The following PRKCB variants were observed in gnomAD, a reference collection of about 807,000 sequenced individuals.
PRKCB encodes protein kinase C beta.
A neutral mutation model predicts 81.5 loss-of-function variants in PRKCB; 13 were observed. The ratio of observed to expected loss-of-function variants is 0.16; its 90% CI spans 0.10 to 0.25. The LOEUF (loss-of-function observed/expected upper bound fraction) is 0.25, where lower values mean the gene tolerates loss of function less well. Among genes scored for constraint, PRKCB ranks in the 10% least tolerant of loss-of-function variants. The probability of loss-of-function intolerance (pLI) is 1.00; values close to 1 mark genes in which losing one functional copy is unlikely to be tolerated. For missense variants in PRKCB, 509 were observed against 875.7 expected, an observed-to-expected ratio of 0.58 and a Z score of 5.29; for synonymous variants, 335 against 321.4, an observed-to-expected ratio of 1.04 and a Z score of -0.45.
chr16:24,035,431 A>C lies in PRKCB; in HGVS notation c.413A>C (p.Asn138Thr), dbSNP rs772430325. The C allele has an allele frequency of 3.1e-6, 5 of 1,613,794 alleles. No individual in the cohort carries two copies. The Admixed American group carries it at 8.3e-5, about 27-fold the overall frequency. The change falls in exon 5 of 17, where the codon AAT becomes ACT. Residue 138 changes from asparagine (N) to threonine (T), a missense_variant. Around this residue, in one of 6 missense-constraint regions of PRKCB, gnomAD observed 184 missense variants for 362.9 expected, o/e 0.51. Transcript: ENST00000643927. ...TCTGCCCTCACAGCCTGCATGATGA[A>C]TGTGCACAAGCGCTGCGTGATGAAT... ...QGMKCDTCMM[N>T]VHKRCVMNVP...
intron 10 of PRKCB, among the ~76,000 whole-genome samples, chr16:24,158,880 C>T (rs1467820034): frequency 6.6e-6 from 1 of 152,054 alleles, no homozygotes; most frequent in Non-Finnish European, 1.5e-5. Context: ...AGGCTGGTCT[C>T]AATCTTCTAG....
chr16:24,134,195 G>T (rs957496784), intron 9 of PRKCB, among the ~76,000 whole-genome samples: 2 of 152,116 alleles, frequency 1.3e-5, no homozygotes, highest in Admixed American at 1.3e-4. Context: ...ACCATGCCCA[G>T]TCCAAACCAC....
At chr16:24,202,022 C>T (rs1967964992) in intron 16 of PRKCB, among the ~76,000 whole-genome samples, 2 of 144,220 alleles carry the variant, frequency 1.4e-5, no homozygotes, top group African/African-American at 2.6e-5. Flanking sequence ...GGCAAAAGAG[C>T]GAGACTCCGT....
At position 24,035,513 on chromosome 16, in the gene PRKCB, G is replaced by A. The variant is rs556028547; in HGVS notation, c.495G>A (p.Gln165=). The A allele has an allele frequency of 2.6e-5, 42 of 1,614,138 alleles. No homozygotes were observed. Among genetic ancestry groups the A allele is most frequent in the Non-Finnish European group, 3.5e-5 (41 of 1,180,014 alleles). ...AGCGCCGCGGCCGCATCTACATCCA[G>A]GCCCACATCGACAGGGACGTCCTCA... ...HTERRGRIYI[Q]AHIDRDVLIV... is the part of the protein sequence containing the mutation. The change falls in exon 5 of 17, where the codon CAG becomes CAA. Residue 165 remains glutamine, a synonymous_variant. Transcript: ENST00000643927.
chr16:23,854,211 A>C (rs2106375), intron 2 of PRKCB, among the ~76,000 whole-genome samples: 29,792 of 151,808 alleles, frequency 0.2, 3,092 homozygotes, highest in East Asian at 0.34. Context: ...CATCCCAAGC[A>C]GATCTCTTTG....
At chr16:24,205,446 A>G (rs1968031992) in intron 16 of PRKCB, among the ~76,000 whole-genome samples, 1 of 152,066 alleles carries the variant, frequency 6.6e-6, no homozygotes, top group Non-Finnish European at 1.5e-5. Context: ...TGGCACCACC[A>G]TGCCTGGCAT....
intron 3 of PRKCB, among the ~76,000 whole-genome samples, chr16:24,010,870 A>AT (rs1049480359): frequency 1.7e-4 from 26 of 149,390 alleles, no homozygotes; most frequent in African/African-American, 4.4e-4. Flanking sequence ...TTGCCACTCG[A>AT]TTTTTTTTTT....
intron 3 of PRKCB, among the ~76,000 whole-genome samples, chr16:24,016,519 A>G (rs1260872107): frequency 1.3e-5 from 2 of 152,174 alleles, no homozygotes; most frequent in African/African-American, 4.8e-5. Flanking sequence ...CCCTTTGCCA[A>G]GAATGTCTGG....
At chr16:23,983,776 C>T (rs1444366594) in intron 2 of PRKCB, among the ~76,000 whole-genome samples, 1 of 151,658 alleles carries the variant, frequency 6.6e-6, no homozygotes, top group Non-Finnish European at 1.5e-5. Flanking sequence ...AGTGCAGTGG[C>T]GTGATCTCGG....
chr16:24,066,637 C>A (rs1272161140), intron 5 of PRKCB, among the ~76,000 whole-genome samples: 1 of 148,926 alleles, frequency 6.7e-6, no homozygotes, highest in South Asian at 2.1e-4. Flanking sequence ...TTTTTTTTTT[C>A]ACGATATTCT....
intron 9 of PRKCB, among the ~76,000 whole-genome samples, chr16:24,144,521 G>A (rs1055902183): frequency 5.3e-5 from 8 of 152,146 alleles, no homozygotes; most frequent in Non-Finnish European, 1.2e-4. Flanking sequence ...GGCTGGTCTC[G>A]AAATCCTGAC....
intron 10 of PRKCB, among the ~76,000 whole-genome samples, chr16:24,158,527 CATGTATATGTATAAGTATATGTAT>C (rs58003383): frequency 0.014 from 1,992 of 141,782 alleles, 48 homozygotes; most frequent in African/African-American, 0.049. Context: ...TTTAAAAAAA[CATGTATATGTATAAGTATATGTAT>C]ATGTATATGT....
intron 2 of PRKCB, among the ~76,000 whole-genome samples, chr16:23,978,118 G>T (rs1027047539): frequency 1.7e-4 from 26 of 152,266 alleles, no homozygotes; most frequent in African/African-American, 6.3e-4. Flanking sequence ...CGAATGACCA[G>T]CTAAGAGAGC....
chr16:24,009,310 GACAT>G (rs1349747221), intron 3 of PRKCB, among the ~76,000 whole-genome samples: 3 of 152,010 alleles, frequency 2.0e-5, no homozygotes, highest in African/African-American at 2.4e-5. Flanking sequence ...GTCCGAGGAA[GACAT>G]ACAAATGACC....
chr16:23,961,655 T>A (rs1878865964), intron 2 of PRKCB, among the ~76,000 whole-genome samples: 1 of 152,220 alleles, frequency 6.6e-6, no homozygotes, highest in Non-Finnish European at 1.5e-5. Flanking sequence ...AGGTTGAGCA[T>A]CTCTTATCCA....
At chr16:24,193,493 AAATAAATG>A in intron 16 of PRKCB, among the ~76,000 whole-genome samples, 1 of 130,304 alleles carries the variant, frequency 7.7e-6, no homozygotes, top group African/African-American at 2.8e-5. Flanking sequence ...ATAAATAAAT[AAATAAATG>A]TGGTCTTGCC....
chr16:24,087,875 C>T (rs73546482), intron 5 of PRKCB, among the ~76,000 whole-genome samples: 7,731 of 152,208 alleles, frequency 0.051, 670 homozygotes, highest in African/African-American at 0.17. Context: ...ACAGGCAGAC[C>T]TCACCCTGCA....
chr16:23,872,965 G>A (rs1471954683), intron 2 of PRKCB, among the ~76,000 whole-genome samples: 2 of 151,572 alleles, frequency 1.3e-5, no homozygotes. Context: ...ATCATCTGAG[G>A]TTAGGAGTTC....
intron 16 of PRKCB, among the ~76,000 whole-genome samples, chr16:24,197,005 G>A (rs1003262652): frequency 6.6e-6 from 1 of 152,178 alleles, no homozygotes; most frequent in Non-Finnish European, 1.5e-5. Context: ...ATGGAGCAGT[G>A]GCTTGGGAAG....
Sources: allele counts gnomAD v4.1 joint callset (sites outside exome capture counted in the v4.1 genomes callset), GRCh38; gene constraint gnomAD v4.1.1; regional missense constraint gnomAD v4.1.1; transcripts MANE v1.5; gene names NCBI Gene and HGNC (gene_info 2026-07-23, HGNC 2026-07-21).